LRRTM4: variants seen among roughly 807,000 people sequenced by gnomAD.
LRRTM4 encodes leucine rich repeat transmembrane neuronal 4.
In LRRTM4, 25 loss-of-function variants were observed where a neutral mutation model predicts 47.6. The observed-to-expected ratio is 0.53, with a 90% CI of 0.38 to 0.73. The LOEUF (loss-of-function observed/expected upper bound fraction) is 0.73, where lower values mean the gene tolerates loss of function less well. LRRTM4 is among the 30% of genes least tolerant of loss of function. The pLI is 0.00. For missense variants in LRRTM4, 638 were observed against 713.4 expected (o/e 0.89, Z 1.20); for synonymous variants, 311 against 269.5 (o/e 1.15, Z -1.51).
In LRRTM4 at chr2:77,235,956, A is replaced by T. The variant is rs574558228; in HGVS notation, c.1551+282362T>A. 2.0e-5 allele frequency among the ~76,000 whole-genome samples: 3 copies of T among 152,206 alleles called. No individual in the cohort carries two copies. In the South Asian group the frequency reaches 6.2e-4, roughly 32 times the overall value. ...GTACAGTTTGAAGTCAGGTAATGTG[A>T]TGCCTCTACTTTTGTTTTTAAGTAG... On this transcript the variant is annotated intron_variant, in intron 3 of 3. Transcript: ENST00000409884.
intron 3 of LRRTM4, among the ~76,000 whole-genome samples, chr2:77,345,908 A>G (rs1192697533): frequency 2.0e-5 from 3 of 151,960 alleles, no homozygotes; most frequent in African/African-American, 7.2e-5. Context: ...AAACTTGTAC[A>G]TGATGTTTAT....
Position 77,092,384 on chromosome 2 carries a change from T to C in LRRTM4, c.1552-343468A>G, listed in dbSNP as rs867970095. On this transcript the variant is annotated intron_variant, in intron 3 of 3. Coordinates refer to ENST00000409884, the MANE Select transcript of LRRTM4 (RefSeq NM_001134745.3). ...TGATGGTGGTTCCACCAGGCCTAAT[T>C]GCCACACACCAGCAAAGGCAGGTTA... Among the ~76,000 whole-genome samples the C allele has an allele frequency of 3.8e-4, 57 of 149,742 alleles. 1 individual carries two copies. The highest frequency in any genetic ancestry group is 6.2e-4 in the East Asian group (3 of 4,872).
chr2:76,910,125 A>G (rs1296006904), intron 3 of LRRTM4, among the ~76,000 whole-genome samples: 1 of 152,208 alleles, frequency 6.6e-6, no homozygotes. Context: ...GACTGGATTA[A>G]GAAAATGTGG....
At chr2:77,457,004 GTATATA>G (rs1171771344) in intron 3 of LRRTM4, among the ~76,000 whole-genome samples, 312 of 23,012 alleles carry the variant, frequency 0.014, 2 homozygotes, top group Middle Eastern at 0.021. Flanking sequence ...GTGTGTGTGT[GTATATA>G]TATATATATA....
chr2:77,395,452 T>C (rs1673665943), intron 3 of LRRTM4, among the ~76,000 whole-genome samples: 1 of 152,024 alleles, frequency 6.6e-6, no homozygotes, highest in Admixed American at 6.6e-5. Context: ...CAGAATTTTC[T>C]TGAAAACACA....
At chr2:76,787,681 C>T (rs1019959659) in intron 3 of LRRTM4, among the ~76,000 whole-genome samples, 1 of 151,936 alleles carries the variant, frequency 6.6e-6, no homozygotes. Context: ...GCATTGACTA[C>T]AGCACACTTA....
At chr2:76,970,447 G>A (rs1378254247) in intron 3 of LRRTM4, among the ~76,000 whole-genome samples, 1 of 151,926 alleles carries the variant, frequency 6.6e-6, no homozygotes, top group Non-Finnish European at 1.5e-5. Context: ...TAAGCGTATT[G>A]ATTCGTGTCC....
chr2:77,222,065 C>T (rs933097138), intron 3 of LRRTM4, among the ~76,000 whole-genome samples: 12 of 152,276 alleles, frequency 7.9e-5, no homozygotes, highest in African/African-American at 2.9e-4. Flanking sequence ...CTCAAAACCG[C>T]TCAACTACAT....
At chr2:76,955,449 T>C (rs916574353) in intron 3 of LRRTM4, among the ~76,000 whole-genome samples, 1 of 151,700 alleles carries the variant, frequency 6.6e-6, no homozygotes, top group African/African-American at 2.4e-5. Flanking sequence ...TAAGAAAATA[T>C]AGACATAAGA....
chr2:76,985,026 AG>A (rs1676744109), intron 3 of LRRTM4, among the ~76,000 whole-genome samples: 1 of 152,014 alleles, frequency 6.6e-6, no homozygotes, highest in Non-Finnish European at 1.5e-5. Flanking sequence ...TTCAAAATAA[AG>A]TTTTTTTAAA....
intron 3 of LRRTM4, among the ~76,000 whole-genome samples, chr2:76,846,561 C>T (rs142029164): frequency 2.0e-4 from 30 of 152,208 alleles, no homozygotes; most frequent in African/African-American, 6.3e-4. Flanking sequence ...ACCATAAATG[C>T]TATCTAATAA....
At chr2:77,475,701 T>C (rs1416420997) in intron 3 of LRRTM4, among the ~76,000 whole-genome samples, 1 of 151,808 alleles carries the variant, frequency 6.6e-6, no homozygotes, top group African/African-American at 2.4e-5. Flanking sequence ...AAAATTCCCA[T>C]TGTCCTATTT....
chr2:77,082,121 C>T (rs1002938339), intron 3 of LRRTM4, among the ~76,000 whole-genome samples: 5 of 152,112 alleles, frequency 3.3e-5, no homozygotes, highest in African/African-American at 4.8e-5. Context: ...AAGAAGAATA[C>T]TTCATCTCTT....
chr2:77,041,888 A>G (rs1439580091), intron 3 of LRRTM4, among the ~76,000 whole-genome samples: 1 of 146,824 alleles, frequency 6.8e-6, no homozygotes, highest in Non-Finnish European at 1.5e-5. Flanking sequence ...AAACAATTCT[A>G]TAATTTGTAT....
At chr2:77,364,431 A>C (rs529529254) in intron 3 of LRRTM4, among the ~76,000 whole-genome samples, 7 of 152,280 alleles carry the variant, frequency 4.6e-5, no homozygotes, top group Middle Eastern at 3.4e-3. Context: ...TTACCAGCAG[A>C]GGACTAAATG....
At chr2:76,892,708 G>A (rs745891879) in intron 3 of LRRTM4, among the ~76,000 whole-genome samples, 11 of 151,556 alleles carry the variant, frequency 7.3e-5, no homozygotes, top group South Asian at 2.1e-4. Flanking sequence ...GAAAAGTTGG[G>A]CGATTAATGT....
At chr2:77,023,805 C>G (rs1189163978) in intron 3 of LRRTM4, among the ~76,000 whole-genome samples, 1 of 152,170 alleles carries the variant, frequency 6.6e-6, no homozygotes, top group Non-Finnish European at 1.5e-5. Flanking sequence ...TTTGGGCCCT[C>G]CAAACTGTTC....
chr2:77,475,356 G>C (rs1677346707), intron 3 of LRRTM4, among the ~76,000 whole-genome samples: 1 of 152,014 alleles, frequency 6.6e-6, no homozygotes, highest in Non-Finnish European at 1.5e-5. Flanking sequence ...ACCTTGTACA[G>C]ATAGATAGCC....
rs568475278 is a variant in LRRTM4, at chr2:77,081,917, G to A, written c.1552-333001C>T. 3.9e-5 allele frequency among the ~76,000 whole-genome samples: 6 copies of A among 151,924 alleles called. No individual in the cohort carries two copies. In the South Asian group the frequency reaches 1.2e-3, roughly 32 times the overall value. On this transcript the variant is annotated intron_variant, in intron 3 of 3. Coordinates refer to ENST00000409884, the MANE Select transcript of LRRTM4 (RefSeq NM_001134745.3). ...CCAAGACACATTTCATCGGCTTTTT[G>A]GGTTTTATTTTTAAATAGTCAAATA...
Sources: allele counts gnomAD v4.1 joint callset (sites outside exome capture counted in the v4.1 genomes callset), GRCh38; gene constraint gnomAD v4.1.1; transcripts MANE v1.5; gene names NCBI Gene and HGNC (gene_info 2026-07-23, HGNC 2026-07-21).